Variants in ARHGAP20 observed in about 807,000 individuals in gnomAD.
ARHGAP20 encodes rho GTPase-activating protein 20.
Under a neutral mutation model 73.7 loss-of-function variants are expected in ARHGAP20, and 34 were observed. The observed-to-expected ratio is 0.46, with a 90% CI of 0.35 to 0.61. The LOEUF is 0.61. ARHGAP20 is among the 20% of genes least tolerant of loss of function. The pLI is 0.00. For synonymous variants in ARHGAP20, 523 were observed against 518.2 expected (o/e 1.01, Z -0.13); for missense variants, 1,314 against 1,420.9 (o/e 0.92, Z 1.21).
intron 2 of ARHGAP20, among the ~76,000 whole-genome samples, chr11:110,674,404 C>G (rs960265136): frequency 3.9e-5 from 6 of 152,122 alleles, no homozygotes; most frequent in Non-Finnish European, 7.4e-5. Flanking sequence ...AATCCACAAT[C>G]TGAAATGCTC....
At chr11:110,585,769 C>T (rs1177543395) in intron 12 of ARHGAP20, among the ~76,000 whole-genome samples, 1 of 152,136 alleles carries the variant, frequency 6.6e-6, no homozygotes, top group African/African-American at 2.4e-5. Context: ...TTCCACAACA[C>T]TCTCCAAATC....
chr11:110,584,902 T>C (rs1034898492), intron 12 of ARHGAP20, among the ~76,000 whole-genome samples: 1 of 142,468 alleles, frequency 7.0e-6, no homozygotes, highest in African/African-American at 2.5e-5. Flanking sequence ...AATGAATATA[T>C]GTGAATATAT....
intron 2 of ARHGAP20, among the ~76,000 whole-genome samples, chr11:110,636,078 T>C (rs1037054481): frequency 1.3e-5 from 2 of 152,138 alleles, no homozygotes; most frequent in African/African-American, 4.8e-5. Context: ...TTCTTGATTA[T>C]AAGAAGAAGC....
At chr11:110,630,228 T>C (rs1948830889) in intron 3 of ARHGAP20, among the ~76,000 whole-genome samples, 1 of 152,190 alleles carries the variant, frequency 6.6e-6, no homozygotes, top group Admixed American at 6.5e-5. Flanking sequence ...TTCCCCTGAC[T>C]ACACCTACCT....
chr11:110,614,588 G>A lies in ARHGAP20; in HGVS notation c.603C>T (p.Phe201=), dbSNP rs1225138351. The stretch of plus-strand genomic sequence containing the variant: ...AGGCACAATTCCCAATGTCCTTGGC[G>A]AAGATTTTGAGGGGAATGCTCTTCG... ...DYPKSIPLKI[F]AKDIGNCAYS... The change falls in exon 6 of 15, where the codon TTC becomes TTT. Residue 201 remains phenylalanine, a synonymous_variant. Coordinates refer to ENST00000683387, the MANE Select transcript of ARHGAP20 (RefSeq NM_001384657.1). 2.5e-6 allele frequency: 4 copies of A among 1,613,178 alleles called. No homozygotes were observed. The highest frequency in any genetic ancestry group is 2.2e-5 in the East Asian group (1 of 44,858).
intron 2 of ARHGAP20, among the ~76,000 whole-genome samples, chr11:110,665,370 A>G (rs926465289): frequency 6.6e-6 from 1 of 152,144 alleles, no homozygotes; most frequent in Non-Finnish European, 1.5e-5. Flanking sequence ...TAAAATAGAG[A>G]TTCCTGTTCC....
At chr11:110,609,718 A>C (rs1005787467) in intron 7 of ARHGAP20, among the ~76,000 whole-genome samples, 1 of 152,180 alleles carries the variant, frequency 6.6e-6, no homozygotes, top group Non-Finnish European at 1.5e-5. Context: ...TAAAACAGAA[A>C]TGTTTTAAAT....
intron 11 of ARHGAP20, among the ~76,000 whole-genome samples, chr11:110,587,773 T>C (rs958593877): frequency 6.6e-6 from 1 of 152,138 alleles, no homozygotes; most frequent in Admixed American, 6.6e-5. Context: ...CTTTTTTTTT[T>C]AGAATGTTTA....
intron 2 of ARHGAP20, among the ~76,000 whole-genome samples, chr11:110,677,496 T>C (rs1038991742): frequency 8.6e-5 from 13 of 152,036 alleles, no homozygotes; most frequent in Middle Eastern, 3.4e-3. Flanking sequence ...TCTACAAAAA[T>C]TAGCCAGGTG....
rs182693837 is a variant in ARHGAP20, at chr11:110,592,696, G to T, written c.965-541C>A. 2.0e-5 allele frequency among the ~76,000 whole-genome samples: 3 copies of T among 152,180 alleles called. No individual in the cohort carries two copies. The East Asian group carries it at 5.8e-4, about 29-fold the overall frequency. ...AGGAAGAGAAGGGAAGAGGGGAGGAGAAGAAAGAGGAGAGGAGTTTTCTCT... is the reference window on the plus strand; with the variant it reads ...AGGAAGAGAAGGGAAGAGGGGAGGATAAGAAAGAGGAGAGGAGTTTTCTCT... On this transcript the variant is annotated intron_variant, in intron 9 of 14. Coordinates refer to ENST00000683387, the MANE Select transcript of ARHGAP20 (RefSeq NM_001384657.1).
intron 2 of ARHGAP20, among the ~76,000 whole-genome samples, chr11:110,648,284 TAGAC>T (rs1458208273): frequency 6.9e-6 from 1 of 144,200 alleles, no homozygotes; most frequent in Non-Finnish European, 1.5e-5. Context: ...TATATGCATA[TAGAC>T]AAAGTCCTCA....
At chr11:110,653,672 C>G in intron 2 of ARHGAP20, among the ~76,000 whole-genome samples, 1 of 152,292 alleles carries the variant, frequency 6.6e-6, no homozygotes, top group East Asian at 1.9e-4. Flanking sequence ...GGCAATTCCT[C>G]AAACACCTAG....
chr11:110,660,513 A>T (rs1459821512), intron 2 of ARHGAP20, among the ~76,000 whole-genome samples: 2 of 152,094 alleles, frequency 1.3e-5, no homozygotes. Context: ...TGGCAGGTCA[A>T]CCTTTTTATT....
chr11:110,663,742 C>A (rs916648438), intron 2 of ARHGAP20, among the ~76,000 whole-genome samples: 1 of 152,040 alleles, frequency 6.6e-6, no homozygotes, highest in Non-Finnish European at 1.5e-5. Flanking sequence ...AGCTCCCAAT[C>A]CAATCAAAAG....
intron 2 of ARHGAP20, among the ~76,000 whole-genome samples, chr11:110,636,650 T>C (rs1948974371): frequency 6.6e-6 from 1 of 152,040 alleles, no homozygotes; most frequent in Admixed American, 6.6e-5. Flanking sequence ...CTGAAGACTT[T>C]AGTAAAAAAT....
chr11:110,624,088 T>G, intron 4 of ARHGAP20, 74 bp downstream of exon 4: 1 of 1,507,508 alleles, frequency 6.6e-7, no homozygotes, highest in Non-Finnish European at 8.9e-7. Flanking sequence ...ATTTGATTAA[T>G]TTTTAAAATT....
intron 4 of ARHGAP20, among the ~76,000 whole-genome samples, chr11:110,622,398 A>G (rs1457271589): frequency 6.6e-6 from 1 of 152,190 alleles, no homozygotes; most frequent in African/African-American, 2.4e-5. Context: ...TAATATAGAG[A>G]TTCCCTACAT....
Position 110,712,197 on chromosome 11 carries a change from C to T in ARHGAP20, c.35G>A (p.Gly12Glu), listed in dbSNP as rs766391216. 3.7e-6 allele frequency: 5 copies of T among 1,367,166 alleles called. No individual in the cohort carries two copies. 84.7% of individuals were successfully genotyped at this position (1,367,166 alleles called of 1,614,324 possible). Residue 12 changes from glycine to glutamate, a missense_variant, in exon 1 of 15, where the codon GGG becomes GAG. This residue lies in a region of ARHGAP20 where 443 missense variants were observed against 466.4 expected (regional missense o/e 0.95). Transcript: ENST00000683387. Reference sequence around the variant, plus strand: ...GGAAGAGGAGCGCCCCGGCTGTCCCCCTAGAGTCTCCTGCTGGGGGGACAT... The same window carrying T: ...GGAAGAGGAGCGCCCCGGCTGTCCCTCTAGAGTCTCCTGCTGGGGGGACAT... The part of the protein sequence containing the change: ...EAMSPQQETL[G>E]GQPGRSSSLT...
At chr11:110,634,359 C>T (rs554221560) in intron 2 of ARHGAP20, among the ~76,000 whole-genome samples, 10 of 152,028 alleles carry the variant, frequency 6.6e-5, no homozygotes, top group South Asian at 4.2e-4. Context: ...GACAGGTAAG[C>T]GAGAAACAAT....
Sources: gnomAD v4.1 joint callset for allele counts (sites outside exome capture counted in the v4.1 genomes callset) on GRCh38, gnomAD v4.1.1 for gene constraint, gnomAD v4.1.1 regional missense constraint, MANE v1.5 for transcripts, NCBI Gene and HGNC (gene_info 2026-07-23, HGNC 2026-07-21) for gene names.